The following ZCCHC17 variants were observed in gnomAD, a reference collection of about 807,000 sequenced individuals.
ZCCHC17 encodes zinc finger CCHC domain-containing protein 17.
Under a neutral mutation model 30.6 loss-of-function variants are expected in ZCCHC17, and 18 were observed. That is an observed-to-expected ratio of 0.59 (90% CI 0.41 to 0.87). The LOEUF is 0.87. Ranked by LOEUF, ZCCHC17 falls within the 40% of genes least tolerant of loss-of-function variation. ZCCHC17 has a pLI of 0.00. For synonymous variants in ZCCHC17, 88 were observed against 92.4 expected, an observed-to-expected ratio of 0.95 and a Z score of 0.27; for missense variants, 263 against 284.2, an observed-to-expected ratio of 0.93 and a Z score of 0.54.
chr1:31,349,257 T>C (rs1639384968), intron 7 of ZCCHC17, among the ~76,000 whole-genome samples: 1 of 152,214 alleles, frequency 6.6e-6, no homozygotes, highest in Non-Finnish European at 1.5e-5. Context: ...TTGCAGAAAT[T>C]TTAGAAATAC....
At chr1:31,339,245 C>G (rs535091586) in intron 5 of ZCCHC17, among the ~76,000 whole-genome samples, 197 bp downstream of exon 5, 16 of 152,320 alleles carry the variant, frequency 1.1e-4, no homozygotes, top group African/African-American at 3.8e-4. Flanking sequence ...CCTGTAATCC[C>G]AACACTTTGG....
chr1:31,350,909 G>GT (rs1639447775), intron 7 of ZCCHC17, among the ~76,000 whole-genome samples: 2 of 152,040 alleles, frequency 1.3e-5, no homozygotes, highest in Non-Finnish European at 1.5e-5. Context: ...GCAAACTTCC[G>GT]TTTTTTCATT....
intron 7 of ZCCHC17, among the ~76,000 whole-genome samples, chr1:31,353,523 A>G (rs1276248088): frequency 6.6e-6 from 1 of 151,976 alleles, no homozygotes; most frequent in Non-Finnish European, 1.5e-5. Context: ...TTTTTCTCTT[A>G]TTGCTGATGC....
Position 31,341,900 on chromosome 1 carries a change from A to G in ZCCHC17, c.317+2852A>G, listed in dbSNP as rs184630196. Among the ~76,000 whole-genome samples, 12 of 152,294 alleles carry G rather than the reference A, an allele frequency of 7.9e-5. No homozygotes were observed. The East Asian group carries it at 2.3e-3, about 29-fold the overall frequency. On this transcript the variant is annotated intron_variant, in intron 5 of 7. Coordinates refer to ENST00000344147, the MANE Select transcript of ZCCHC17 (RefSeq NM_016505.4). ...ATGCCGCTTTGTTTTATCCTCTAAT[A>G]TCTGAGATTATAGCACCTTTTCTTT... is the stretch of plus-strand genomic sequence containing the variant.
chr1:31,313,934 G>A (rs962361452), intron 2 of ZCCHC17, among the ~76,000 whole-genome samples: 2 of 150,806 alleles, frequency 1.3e-5, no homozygotes, highest in Non-Finnish European at 2.9e-5. Flanking sequence ...GTGCAATCTC[G>A]GCTCACTGCA....
At chr1:31,335,208 ACT>A (rs1490577531) in intron 3 of ZCCHC17, among the ~76,000 whole-genome samples, 2 of 151,414 alleles carry the variant, frequency 1.3e-5, no homozygotes, top group Non-Finnish European at 2.9e-5. Context: ...TCTCTGGCAG[ACT>A]CTTGCCATCT....
At chr1:31,340,082 G>A (rs1001729948) in intron 5 of ZCCHC17, among the ~76,000 whole-genome samples, 1 of 140,490 alleles carries the variant, frequency 7.1e-6, no homozygotes, top group African/African-American at 2.6e-5. Context: ...TCAGCCTACC[G>A]AGTAGCTGGG....
chr1:31,344,629 G>A (rs10914360), intron 5 of ZCCHC17, among the ~76,000 whole-genome samples: 68,473 of 152,032 alleles, frequency 0.45, 18,979 homozygotes, highest in Non-Finnish European at 0.62. Flanking sequence ...AAAGAGAGAC[G>A]TGGGTGACTG....
At chr1:31,323,498 T>C (rs1052579970) in intron 3 of ZCCHC17, among the ~76,000 whole-genome samples, 11 of 152,128 alleles carry the variant, frequency 7.2e-5, no homozygotes, top group African/African-American at 2.4e-4. Flanking sequence ...ATTTTTTGTA[T>C]TTTTAGTAGA....
chr1:31,309,415 A>G (rs1467420360), intron 1 of ZCCHC17, among the ~76,000 whole-genome samples: 1 of 152,100 alleles, frequency 6.6e-6, no homozygotes, highest in Non-Finnish European at 1.5e-5. Context: ...CCCAGGTTCA[A>G]GTGATTCTCC....
At chr1:31,317,991 T>A (rs1197193910) in intron 2 of ZCCHC17, among the ~76,000 whole-genome samples, 15 of 152,238 alleles carry the variant, frequency 9.9e-5, no homozygotes, top group Admixed American at 9.8e-4. Flanking sequence ...TGTTACTTAA[T>A]CTCTTCATGC....
At chr1:31,318,266 A>G in intron 2 of ZCCHC17, 1 of 1,497,378 alleles carries the variant, frequency 6.7e-7, no homozygotes. Flanking sequence ...ATATTTTACA[A>G]ATAATCATTT....
In ZCCHC17 at chr1:31,342,506, T is replaced by C. The variant is rs1470534518; in HGVS notation, c.317+3458T>C. On this transcript the variant is annotated intron_variant, in intron 5 of 7. Transcript: ENST00000344147. ...CATGGATAGGGGGCTGGAATGGTTT[T>C]GGGATGAAACCGTTCCACCTTAGAT... Among the ~76,000 whole-genome samples the C allele has an allele frequency of 2.0e-5, 3 of 152,198 alleles. No homozygotes were observed. The South Asian group carries it at 6.2e-4, about 32-fold the overall frequency.
chr1:31,305,822 G>C (rs1330686193), intron 1 of ZCCHC17, among the ~76,000 whole-genome samples: 1 of 151,912 alleles, frequency 6.6e-6, no homozygotes, highest in Non-Finnish European at 1.5e-5. Flanking sequence ...GGTTTCTACA[G>C]AATTTGAAAA....
chr1:31,364,127 A>C lies in ZCCHC17; in HGVS notation c.660A>C (p.Ser220=), dbSNP rs1254487172. ...SDTGKRARHT[S]KDSKAAKKKK... is the part of the protein sequence containing the mutation. Reference sequence around the variant, plus strand: ...CAGGCAAGAGGGCAAGGCACACATCAAAAGACAGCAAGGCAGCAAAGAAGA... The same window carrying C: ...CAGGCAAGAGGGCAAGGCACACATCCAAAGACAGCAAGGCAGCAAAGAAGA... Residue 220 remains serine, a synonymous_variant, in exon 8 of 8, where the codon TCA becomes TCC. Coordinates refer to ENST00000344147, the MANE Select transcript of ZCCHC17 (RefSeq NM_016505.4). 2 of 1,613,846 alleles carry C rather than the reference A, an allele frequency of 1.2e-6. No homozygotes were observed. The highest frequency in any genetic ancestry group is 3.3e-5 in the Admixed American group (2 of 59,992).
Position 31,364,393 on chromosome 1 carries a change from C to G in ZCCHC17, c.*200C>G. 2 of 893,040 alleles carry G rather than the reference C, an allele frequency of 2.2e-6. No homozygotes were observed. The highest frequency in any genetic ancestry group is 2.1e-5 in the South Asian group (1 of 47,276). 55.3% of individuals were successfully genotyped at this position (893,040 alleles called of 1,614,324 possible). ...AGCTGCCTGAATGAGTTGTTGTTTC[C>G]TTATCACTCCTGGTCCCTTTGCAAG... On this transcript the variant is annotated 3_prime_UTR_variant, in exon 8 of 8. Coordinates refer to ENST00000344147, the MANE Select transcript of ZCCHC17 (RefSeq NM_016505.4).
At chr1:31,342,290 C>T (rs763084177) in intron 5 of ZCCHC17, among the ~76,000 whole-genome samples, 10 of 152,050 alleles carry the variant, frequency 6.6e-5, no homozygotes, top group Non-Finnish European at 8.8e-5. Flanking sequence ...AGTGATCCCC[C>T]GCCTCAGCCT....
intron 6 of ZCCHC17, 65 bp from the exon 7 acceptor site, chr1:31,348,764 A>C (rs1639363740): frequency 6.3e-7 from 1 of 1,595,626 alleles, no homozygotes; most frequent in African/African-American, 1.3e-5. Context: ...ACTTGGGGAA[A>C]GATTCACTTG....
chr1:31,330,947 C>G (rs1162259796), intron 3 of ZCCHC17, among the ~76,000 whole-genome samples: 1 of 152,140 alleles, frequency 6.6e-6, no homozygotes, highest in African/African-American at 2.4e-5. Context: ...TGAATCTAGT[C>G]ATGAATCCCT....
Sources: allele counts gnomAD v4.1 joint callset (sites outside exome capture counted in the v4.1 genomes callset), GRCh38; gene constraint gnomAD v4.1.1; transcripts MANE v1.5; gene names NCBI Gene and HGNC (gene_info 2026-07-23, HGNC 2026-07-21).